The following SPAG16 variants were observed in gnomAD, a reference collection of about 807,000 sequenced individuals.
The protein encoded by SPAG16 is sperm associated antigen 16.
In SPAG16, 86 loss-of-function variants were observed where a neutral mutation model predicts 80.4. That is an observed-to-expected ratio of 1.07 (90% CI 0.90 to 1.28). SPAG16 has a LOEUF of 1.28. Among genes scored for constraint, SPAG16 ranks in the 50% most tolerant of loss-of-function variants. The pLI, the probability that SPAG16 is intolerant of heterozygous loss-of-function variation, is 0.00. For synonymous variants in SPAG16, 294 were observed against 265.9 expected (o/e 1.11, Z -1.03); for missense variants, 870 against 765.3 (o/e 1.14, Z -1.61).
chr2:214,056,756 T>C (rs536234917), intron 13 of SPAG16, among the ~76,000 whole-genome samples: 1 of 152,316 alleles, frequency 6.6e-6, no homozygotes, highest in African/African-American at 2.4e-5. Context: ...TGATAACATT[T>C]TACCCACAGT....
At chr2:213,935,119 A>C (rs2078932924) in intron 12 of SPAG16, among the ~76,000 whole-genome samples, 1 of 149,700 alleles carries the variant, frequency 6.7e-6, no homozygotes, top group Admixed American at 6.7e-5. Flanking sequence ...GAAGGATGGC[A>C]TGAACCCAGT....
chr2:213,383,996 T>C (rs1466662284), intron 9 of SPAG16, among the ~76,000 whole-genome samples: 2 of 152,178 alleles, frequency 1.3e-5, no homozygotes, highest in Non-Finnish European at 2.9e-5. Context: ...CCTGAGTACA[T>C]GTTAATCTGC....
At chr2:213,456,177 T>A (rs2072000693) in intron 9 of SPAG16, among the ~76,000 whole-genome samples, 1 of 152,198 alleles carries the variant, frequency 6.6e-6, no homozygotes, top group Non-Finnish European at 1.5e-5. Context: ...TGTTATTAAG[T>A]TTTTTCATGT....
In SPAG16 at chr2:213,391,947, T is replaced by TA. The variant is rs2067775618; in HGVS notation, c.942+16829dup. Among the ~76,000 whole-genome samples, 7 of 152,340 alleles carry TA rather than the reference T, an allele frequency of 4.6e-5. No individual in the cohort carries two copies. In the Middle Eastern group the frequency reaches 0.024, roughly 518 times the overall value. On this transcript the variant is annotated intron_variant, in intron 9 of 15. Coordinates refer to ENST00000331683, the MANE Select transcript of SPAG16 (RefSeq NM_024532.5). ...GTTCCAATGTTTGCATGTCCCCTGT[T>TA]ACATATTTAAAAGTGCTTCTGTGCT...
rs528821895 is a variant in SPAG16, at chr2:214,172,400, C to T, written c.1720+23134C>T. Among the ~76,000 whole-genome samples the T allele has an allele frequency of 3.9e-5, 6 of 152,174 alleles. No individual in the cohort carries two copies. The South Asian group carries it at 1.0e-3, about 26-fold the overall frequency. On this transcript the variant is annotated intron_variant, in intron 15 of 15. Transcript: ENST00000331683. ...TGAGAATGATGATTTCCAATTTCAT[C>T]CATGTCCCTACAAAGGACATGAACT...
intron 11 of SPAG16, among the ~76,000 whole-genome samples, chr2:213,908,171 A>G (rs1488139649): frequency 6.6e-6 from 1 of 152,186 alleles, no homozygotes; most frequent in Non-Finnish European, 1.5e-5. Context: ...AGAGAAAATA[A>G]TTCAGTTGAA....
intron 10 of SPAG16, among the ~76,000 whole-genome samples, chr2:213,744,067 A>G (rs1470212859): frequency 6.6e-6 from 1 of 152,256 alleles, no homozygotes; most frequent in South Asian, 2.1e-4. Context: ...ATGAAGGTGT[A>G]TTCATTCCTT....
chr2:213,941,195 C>T (rs559072639), intron 12 of SPAG16, among the ~76,000 whole-genome samples: 83 of 152,242 alleles, frequency 5.5e-4, no homozygotes, highest in Non-Finnish European at 4.4e-4. Context: ...GAATTAAATA[C>T]CTGTCATCAA....
intron 13 of SPAG16, among the ~76,000 whole-genome samples, chr2:214,088,008 A>T (rs1422599829): frequency 6.6e-6 from 1 of 152,142 alleles, no homozygotes; most frequent in Admixed American, 6.6e-5. Context: ...ATATGTAAAC[A>T]GAAAAGTATG....
At chr2:213,479,614 G>T (rs1376442868) in intron 9 of SPAG16, among the ~76,000 whole-genome samples, 2 of 152,040 alleles carry the variant, frequency 1.3e-5, no homozygotes, top group Non-Finnish European at 2.9e-5. Flanking sequence ...TTAACATTGG[G>T]CTTACATTCC....
intron 3 of SPAG16, among the ~76,000 whole-genome samples, chr2:213,306,662 T>C (rs932566082): frequency 3.9e-5 from 6 of 152,002 alleles, no homozygotes; most frequent in African/African-American, 1.4e-4. Flanking sequence ...TTGCTAGGGC[T>C]GGTTGAAATG....
rs2075836236 is a variant in SPAG16, at chr2:213,869,253, C to CAAAAAGAAAAAAAA, written c.1214+6630_1214+6631insGAAAAAAAAAAAAA. ...GGGCAACAAGAGCTAAAGTCCATGTCAAAAAAAAAAAATATATATATATAT... is the reference window on the plus strand; with the variant it reads ...GGGCAACAAGAGCTAAAGTCCATGTCAAAAAGAAAAAAAAAAAAAAAAAAAATATATATATATAT... On this transcript the variant is annotated intron_variant, in intron 11 of 15. Coordinates refer to ENST00000331683, the MANE Select transcript of SPAG16 (RefSeq NM_024532.5). Among the ~76,000 whole-genome samples, 14 of 82,846 alleles carry CAAAAAGAAAAAAAA rather than the reference C, an allele frequency of 1.7e-4. 1 individual carries two copies. The highest frequency in any genetic ancestry group is 2.5e-4 in the Non-Finnish European group (10 of 40,372). 54.4% of individuals were successfully genotyped at this position (82,846 alleles called of 152,430 possible).
chr2:213,930,271 A>T, intron 12 of SPAG16, 126 bp downstream of exon 12: 2 of 621,890 alleles, frequency 3.2e-6, no homozygotes, highest in Non-Finnish European at 5.2e-6. Context: ...CTGTTAGTTG[A>T]TAAGATTATA....
chr2:213,921,028 T>C (rs1051848836), intron 11 of SPAG16, among the ~76,000 whole-genome samples: 3 of 152,150 alleles, frequency 2.0e-5, no homozygotes, highest in Non-Finnish European at 4.4e-5. Context: ...TGTTGGAGGG[T>C]AGGAATTAGT....
chr2:213,538,760 C>T (rs944048513), intron 10 of SPAG16, among the ~76,000 whole-genome samples: 1 of 152,090 alleles, frequency 6.6e-6, no homozygotes, highest in Non-Finnish European at 1.5e-5. Context: ...ATTTACCATT[C>T]ACAGGGTTAG....
chr2:213,720,280 A>G (rs940262687), intron 10 of SPAG16, among the ~76,000 whole-genome samples: 6 of 152,026 alleles, frequency 3.9e-5, no homozygotes, highest in African/African-American at 1.2e-4. Context: ...GCACGTGTAT[A>G]CCTATGTAAT....
chr2:213,833,476 A>T (rs1243282544), intron 10 of SPAG16, among the ~76,000 whole-genome samples: 2 of 5,016 alleles, frequency 4.0e-4, no homozygotes, highest in African/African-American at 8.5e-4. Context: ...TATATATAAT[A>T]ATATATATAT....
chr2:214,017,693 G>A (rs1237568134), intron 13 of SPAG16, among the ~76,000 whole-genome samples: 2 of 152,078 alleles, frequency 1.3e-5, no homozygotes, highest in East Asian at 3.9e-4. Context: ...GAAAAAGAGG[G>A]ATTCAGCACA....
At position 213,406,870 on chromosome 2, in the gene SPAG16, T is replaced by A. The variant is rs373866626; in HGVS notation, c.942+31751T>A. On this transcript the variant is annotated intron_variant, in intron 9 of 15. Coordinates refer to ENST00000331683, the MANE Select transcript of SPAG16 (RefSeq NM_024532.5). ...CGCACCCAGCCCTAGTGTGGTGGCCTCAGGGGTGAGAAATCAAGACCCACC... is the reference window on the plus strand; with the variant it reads ...CGCACCCAGCCCTAGTGTGGTGGCCACAGGGGTGAGAAATCAAGACCCACC... 2.0e-5 allele frequency among the ~76,000 whole-genome samples: 3 copies of A among 147,762 alleles called. No individual in the cohort carries two copies. The South Asian group carries it at 6.4e-4, about 32-fold the overall frequency.
Sources: allele counts gnomAD v4.1 joint callset (sites outside exome capture counted in the v4.1 genomes callset), GRCh38; gene constraint gnomAD v4.1.1; transcripts MANE v1.5; gene names NCBI Gene and HGNC (gene_info 2026-07-23, HGNC 2026-07-21).